Variants in USP48 observed in about 807,000 individuals in gnomAD.
USP48 encodes the protein ubiquitin carboxyl-terminal hydrolase 48.
Under a neutral mutation model 150.7 loss-of-function variants are expected in USP48, and 43 were observed. The observed-to-expected ratio is 0.29, with a 90% CI of 0.22 to 0.37. The LOEUF is 0.37. USP48 is among the 10% of genes least tolerant of loss of function. The pLI, the probability that USP48 is intolerant of heterozygous loss-of-function variation, is 1.00. For synonymous variants in USP48, 396 were observed against 425.9 expected (o/e 0.93, Z 0.86); for missense variants, 813 against 1,249.6 (o/e 0.65, Z 5.27).
At chr1:21,755,386 T>C (rs2097829776) in intron 3 of USP48, among the ~76,000 whole-genome samples, 1 of 150,574 alleles carries the variant, frequency 6.6e-6, no homozygotes, top group Non-Finnish European at 1.5e-5. Context: ...CATGGTAAAA[T>C]GCTGTCTCCA....
chr1:21,690,216 A>C, intron 23 of USP48, 117 bp from the exon 24 acceptor site: 1 of 1,218,044 alleles, frequency 8.2e-7, no homozygotes, highest in Non-Finnish European at 1.1e-6. Flanking sequence ...AGAGTACAAA[A>C]CCACTATTGT....
chr1:21,687,101 A>G, intron 25 of USP48, 90 bp downstream of exon 25: 1 of 1,247,336 alleles, frequency 8.0e-7, no homozygotes, highest in Non-Finnish European at 1.1e-6. Flanking sequence ...GGTTCAAAGT[A>G]AAAGCACTGT....
intron 10 of USP48, 82 bp downstream of exon 10, chr1:21,729,622 A>G: frequency 6.8e-7 from 1 of 1,476,026 alleles, no homozygotes; most frequent in South Asian, 1.4e-5. Flanking sequence ...TAGTAACTAA[A>G]AGCAATCCAT....
chr1:21,727,739 A>G, intron 11 of USP48: 1 of 374,102 alleles, frequency 2.7e-6, no homozygotes, highest in Non-Finnish European at 3.7e-6. Context: ...AATTGAATTA[A>G]AATTTAGTTA....
rs1008601087 is a variant in USP48, at chr1:21,782,677, G to C, written c.134+147C>G. The C allele has an allele frequency of 1.0e-5, 13 of 1,279,212 alleles. No homozygotes were observed. The African/African-American group carries it at 1.9e-4, about 19-fold the overall frequency. The allele number at this position is 1,279,212 out of a possible 1,614,324, so 79.2% of individuals were successfully genotyped here. ...AAGCCTGCGTTTCCCAGGTCGCGCA[G>C]ACGGCGCAAAGGGGGAAACTCCACC... On this transcript the variant is annotated intron_variant, in intron 1 of 26. Coordinates refer to ENST00000308271, the MANE Select transcript of USP48 (RefSeq NM_032236.8).
chr1:21,714,433 T>G (rs537142765), intron 15 of USP48, among the ~76,000 whole-genome samples: 1 of 152,126 alleles, frequency 6.6e-6, no homozygotes, highest in Non-Finnish European at 1.5e-5. Context: ...CCAAACCCAC[T>G]TAATATTTTT....
At chr1:21,740,422 A>C (rs559645664) in intron 8 of USP48, among the ~76,000 whole-genome samples, 6 of 152,358 alleles carry the variant, frequency 3.9e-5, no homozygotes, top group South Asian at 4.1e-4. Context: ...GTAAGAGAAA[A>C]TTATCTGCCT....
chr1:21,693,163 TA>T (rs371328698), intron 23 of USP48, among the ~76,000 whole-genome samples: 134 of 152,278 alleles, frequency 8.8e-4, no homozygotes, highest in Non-Finnish European at 1.7e-3. Flanking sequence ...ACCCACCCAC[TA>T]AAGATCTATC....
chr1:21,685,666 C>A (rs67177030), intron 25 of USP48, among the ~76,000 whole-genome samples: 9,551 of 152,210 alleles, frequency 0.063, 406 homozygotes, highest in Non-Finnish European at 0.079. Flanking sequence ...AGTAATGCTG[C>A]TAATTTTTGT....
At chr1:21,779,087 TTTTG>T (rs1183616326) in intron 1 of USP48, among the ~76,000 whole-genome samples, 3 of 151,840 alleles carry the variant, frequency 2.0e-5, no homozygotes, top group Admixed American at 1.3e-4. Flanking sequence ...AGCAAAAAAA[TTTTG>T]TTTAATTAGC....
At chr1:21,780,681 C>T (rs2097912055) in intron 1 of USP48, among the ~76,000 whole-genome samples, 1 of 150,862 alleles carries the variant, frequency 6.6e-6, no homozygotes, top group Non-Finnish European at 1.5e-5. Context: ...ATGAAATGTC[C>T]AGAATAGGGA....
At position 21,706,863 on chromosome 1, in the gene USP48, A is replaced by G; in HGVS notation, c.1969T>C (p.Leu657=). ...CTTCTTTCATTTTCAGATATGCATA[A>G]CTCACCTGAGTTTAAAAAAATATAT... ...NEDILCPHGE[L]CISENERRLV... The change falls in exon 16 of 27, where the codon TTA becomes CTA. Residue 657 remains leucine, a synonymous_variant. Coordinates refer to ENST00000308271, the MANE Select transcript of USP48 (RefSeq NM_032236.8). 6.3e-7 allele frequency: 1 copy of G among 1,597,952 alleles called. No homozygotes were observed. Among genetic ancestry groups the G allele is most frequent in the South Asian group, 1.1e-5 (1 of 87,194 alleles).
intron 14 of USP48, among the ~76,000 whole-genome samples, chr1:21,715,976 T>C (rs745861086): frequency 2.6e-5 from 4 of 152,234 alleles, no homozygotes; most frequent in Non-Finnish European, 4.4e-5. Context: ...TAAACATCCA[T>C]TGGCACATTT....
chr1:21,696,660 T>G (rs1401401025), intron 22 of USP48, among the ~76,000 whole-genome samples: 1 of 152,038 alleles, frequency 6.6e-6, no homozygotes, highest in Non-Finnish European at 1.5e-5. Context: ...TAGGACACTG[T>G]CTTTATTTTT....
intron 1 of USP48, among the ~76,000 whole-genome samples, chr1:21,762,792 G>C (rs1443957527): frequency 1.3e-5 from 2 of 151,294 alleles, no homozygotes; most frequent in Non-Finnish European, 2.9e-5. Context: ...CTTGAACCTG[G>C]GAGGCGGAGG....
intron 11 of USP48, chr1:21,724,508 G>T (rs897972152): frequency 1.6e-5 from 4 of 256,266 alleles, no homozygotes; most frequent in Non-Finnish European, 3.0e-5. Flanking sequence ...AATTATTTTT[G>T]TCAGTACTTT....
intron 1 of USP48, among the ~76,000 whole-genome samples, chr1:21,759,868 G>C (rs978110886): frequency 6.6e-6 from 1 of 152,132 alleles, no homozygotes; most frequent in African/African-American, 2.4e-5. Context: ...GGATCATCAC[G>C]GATGCTAACG....
intron 15 of USP48, among the ~76,000 whole-genome samples, chr1:21,708,691 G>A (rs2097680614): frequency 6.6e-6 from 1 of 151,750 alleles, no homozygotes; most frequent in Non-Finnish European, 1.5e-5. Context: ...AGACCAGCTT[G>A]ACCAAAATGG....
intron 8 of USP48, among the ~76,000 whole-genome samples, chr1:21,743,282 A>T (rs1445589686): frequency 2.6e-5 from 4 of 152,192 alleles, no homozygotes; most frequent in Non-Finnish European, 5.9e-5. Flanking sequence ...GGGTCCCAGC[A>T]ACCTCAGCGG....
Sources: gnomAD v4.1 joint callset for allele counts (sites outside exome capture counted in the v4.1 genomes callset) on GRCh38, gnomAD v4.1.1 for gene constraint, MANE v1.5 for transcripts, NCBI Gene and HGNC (gene_info 2026-07-23, HGNC 2026-07-21) for gene names.